UGT3A1: variants seen among roughly 807,000 people sequenced by gnomAD.
The protein encoded by UGT3A1 is UDP-glycosyltransferase 3A1.
Under a neutral mutation model 37.6 loss-of-function variants are expected in UGT3A1, and 40 were observed. The ratio of observed to expected loss-of-function variants is 1.06; its 90% CI spans 0.83 to 1.38. The LOEUF is 1.38. UGT3A1 is among the 40% of genes most tolerant of loss of function. The pLI, the probability that UGT3A1 is intolerant of heterozygous loss-of-function variation, is 0.00. For synonymous variants in UGT3A1, 256 were observed against 232.3 expected, an observed-to-expected ratio of 1.10 and a Z score of -0.93; for missense variants, 642 against 634.2, an observed-to-expected ratio of 1.01 and a Z score of -0.13.
chr5:35,962,847 A>G (rs1197909816), intron 4 of UGT3A1: 2 of 702,190 alleles, frequency 2.8e-6, no homozygotes, highest in South Asian at 3.0e-5. Flanking sequence ...ACAGGCTAGG[A>G]GGTGTTTTTC....
At chr5:35,965,060 C>T (rs370784472) in intron 4 of UGT3A1, among the ~76,000 whole-genome samples, 6 of 152,288 alleles carry the variant, frequency 3.9e-5, no homozygotes, top group South Asian at 2.1e-4. Context: ...GCACTAACTA[C>T]GTATTTATTT....
chr5:35,959,404 C>G (rs1739487884), intron 4 of UGT3A1, among the ~76,000 whole-genome samples: 1 of 152,156 alleles, frequency 6.6e-6, no homozygotes, highest in South Asian at 2.1e-4. Context: ...TAAAGAAACT[C>G]TCTTAAATAT....
chr5:35,965,705 A>G lies in UGT3A1; in HGVS notation c.524T>C (p.Phe175Ser). 1 of 1,614,204 alleles carries G rather than the reference A, an allele frequency of 6.2e-7. No individual in the cohort carries two copies. The highest frequency in any genetic ancestry group is 1.1e-5 in the South Asian group (1 of 91,078). Residue 175 changes from phenylalanine (F) to serine (S), a missense_variant, in exon 4 of 7, where the codon TTT (phenylalanine) becomes TCT (serine). Phe to Ser is a radical substitution (Grantham distance 155). Transcript: ENST00000274278. ...ATAAGACAAGGGGCTTGGTAGCCCAAAATCCAAAGAGCCGAATGTGGTGGG... is the reference window on the plus strand; with the variant it reads ...ATAAGACAAGGGGCTTGGTAGCCCAGAATCCAAAGAGCCGAATGTGGTGGG... ...ILPTTFGSLD[F>S]GLPSPLSYVP...
upstream of UGT3A1, among the ~76,000 whole-genome samples, chr5:35,992,272 C>T (rs1333674042): frequency 2.6e-5 from 4 of 152,038 alleles, no homozygotes; most frequent in Admixed American, 6.5e-5. Flanking sequence ...ATTTGTGCAT[C>T]CTTCACCTAG....
chr5:35,955,408 G>C lies in UGT3A1; in HGVS notation c.1295+237C>G. On this transcript the variant is annotated intron_variant, in intron 6 of 6. Coordinates refer to ENST00000274278, the MANE Select transcript of UGT3A1 (RefSeq NM_152404.4). ...ATATAAGATCAGTCAAAGAGATCATGTGTATATAATTTGTCGCCATCACAG... is the reference window on the plus strand; with the variant it reads ...ATATAAGATCAGTCAAAGAGATCATCTGTATATAATTTGTCGCCATCACAG... 6.6e-6 allele frequency: 4 copies of C among 604,668 alleles called. No homozygotes were observed. The Admixed American group carries it at 8.7e-5, about 13-fold the overall frequency. 37.5% of individuals were successfully genotyped at this position (604,668 alleles called of 1,614,324 possible).
At chr5:36,000,610 C>A (rs1561478346) in intron 1 of UGT3A1, among the ~76,000 whole-genome samples, 1 of 152,200 alleles carries the variant, frequency 6.6e-6, no homozygotes, top group African/African-American at 2.4e-5. Context: ...TACTAAACAT[C>A]AATCTTCAAC....
chr5:35,976,809 G>A (rs1393496572), intron 2 of UGT3A1, among the ~76,000 whole-genome samples: 1 of 147,074 alleles, frequency 6.8e-6, no homozygotes, highest in Non-Finnish European at 1.5e-5. Flanking sequence ...ACTCTAGCCT[G>A]GGCAACAGAA....
At chr5:35,995,430 A>G (rs184988371), upstream of UGT3A1, among the ~76,000 whole-genome samples, 294 of 152,374 alleles carry the variant, frequency 1.9e-3, 1 homozygote, top group African/African-American at 6.8e-3. Context: ...AACCCTGGTC[A>G]AAGGCTGAAT....
chr5:35,968,468 T>A (rs1440693602), intron 2 of UGT3A1, among the ~76,000 whole-genome samples: 1 of 152,202 alleles, frequency 6.6e-6, no homozygotes, highest in Non-Finnish European at 1.5e-5. Flanking sequence ...TTTGCACACA[T>A]AATGAGCTGT....
At chr5:35,995,999 T>C (rs1207444245), upstream of UGT3A1, among the ~76,000 whole-genome samples, 1 of 147,504 alleles carries the variant, frequency 6.8e-6, no homozygotes, top group Admixed American at 6.8e-5. Flanking sequence ...TTAACTTAGC[T>C]GATCAAATAT....
At chr5:35,957,073 AC>A (rs1446071647) in intron 5 of UGT3A1, 114 bp downstream of exon 5, 4 of 778,546 alleles carry the variant, frequency 5.1e-6, no homozygotes, top group Non-Finnish European at 8.4e-6. Context: ...CATTACCTTT[AC>A]CTATGAGTAG....
chr5:35,955,741 C>T lies in UGT3A1; in HGVS notation c.1199G>A (p.Arg400Gln), dbSNP rs763080249. ...VNGDQHGNMV[R>Q]VVAKNYGVSI... ...GACACCATAATTTTTGGCTACTACTCGGACCATGTTTCCATGCTGGTCTCC... is the reference window on the plus strand; with the variant it reads ...GACACCATAATTTTTGGCTACTACTTGGACCATGTTTCCATGCTGGTCTCC... The change falls in exon 6 of 7, where the codon CGA becomes CAA. Residue 400 changes from arginine to glutamine, a missense_variant. Transcript: ENST00000274278. 28 of 1,614,144 alleles carry T rather than the reference C, an allele frequency of 1.7e-5. No individual in the cohort carries two copies. The highest frequency in any genetic ancestry group is 4.5e-5 in the East Asian group (2 of 44,874).
At chr5:35,959,949 CAAT>C (rs1561455918) in intron 4 of UGT3A1, among the ~76,000 whole-genome samples, 2 of 152,032 alleles carry the variant, frequency 1.3e-5, no homozygotes, top group Non-Finnish European at 2.9e-5. Context: ...ACAATTTCAA[CAAT>C]AATATCAGAG....
Position 35,991,246 on chromosome 5 carries a change from C to G in UGT3A1, c.-6G>C. ...AGCACCCGCTGCCCAACCATGCTCA[C>G]TTCCACAGAAGCAGCGGATCTCAGC... is the stretch of plus-strand genomic sequence containing the variant. On this transcript the variant is annotated 5_prime_UTR_variant, in exon 1 of 7. Coordinates refer to ENST00000274278, the MANE Select transcript of UGT3A1 (RefSeq NM_152404.4). 2.5e-6 allele frequency: 4 copies of G among 1,614,216 alleles called. No individual in the cohort carries two copies. The highest frequency in any genetic ancestry group is 2.7e-5 in the African/African-American group (2 of 75,078).
Position 35,984,478 on chromosome 5 carries a change from T to G in UGT3A1, c.196+3972A>C, listed in dbSNP as rs867930895. On this transcript the variant is annotated intron_variant, in intron 2 of 6. Coordinates refer to ENST00000274278, the MANE Select transcript of UGT3A1 (RefSeq NM_152404.4). ...TACCATTCAATCTCACAGAATTTTTTTTTTTTTTTTTTGAGACAGAATCTT... is the reference window on the plus strand; with the variant it reads ...TACCATTCAATCTCACAGAATTTTTGTTTTTTTTTTTTGAGACAGAATCTT... 1.4e-3 allele frequency among the ~76,000 whole-genome samples: 214 copies of G among 150,226 alleles called. 2 individuals are homozygous for G. Among genetic ancestry groups the G allele is most frequent in the South Asian group, 8.7e-3 (41 of 4,696 alleles).
rs1005563590 is a variant in UGT3A1 at position 35,953,676 on chromosome 5, C to T, written c.*526G>A. ...GTCTGACCAGCAAAGGAGGTGCTCT[C>T]TAAGGAAGGGGTCTCAGGCAGTGAG... is the stretch of plus-strand genomic sequence containing the variant. On this transcript the variant is annotated 3_prime_UTR_variant, in exon 7 of 7. Coordinates refer to ENST00000274278, the MANE Select transcript of UGT3A1 (RefSeq NM_152404.4). 2 of 154,500 alleles carry T rather than the reference C, an allele frequency of 1.3e-5. No individual in the cohort carries two copies. Among genetic ancestry groups the T allele is most frequent in the Non-Finnish European group, 2.9e-5 (2 of 69,516 alleles). 9.6% of individuals were successfully genotyped at this position (154,500 alleles called of 1,614,324 possible). A position where few individuals can be genotyped will look rare whatever the true frequency, so the allele number is the denominator to read the frequency against.
chr5:35,976,368 T>C (rs1295684728), intron 2 of UGT3A1, among the ~76,000 whole-genome samples: 1 of 152,186 alleles, frequency 6.6e-6, no homozygotes, highest in East Asian at 1.9e-4. Context: ...TGCCCTGTGA[T>C]TAAAATTAAT....
At chr5:35,979,120 T>A (rs957026372) in intron 2 of UGT3A1, among the ~76,000 whole-genome samples, 6 of 152,060 alleles carry the variant, frequency 3.9e-5, no homozygotes, top group African/African-American at 1.4e-4. Context: ...TCCATCCCAG[T>A]TGGTTTCATG....
At chr5:35,988,799 CT>C (rs1432090465) in intron 1 of UGT3A1, among the ~76,000 whole-genome samples, 1 of 152,148 alleles carries the variant, frequency 6.6e-6, no homozygotes, top group Non-Finnish European at 1.5e-5. Context: ...AAGATTTCCG[CT>C]TGTGGCTCAA....
Sources: allele counts gnomAD v4.1 joint callset (sites outside exome capture counted in the v4.1 genomes callset), GRCh38; gene constraint gnomAD v4.1.1; transcripts MANE v1.5; gene names NCBI Gene and HGNC (gene_info 2026-07-23, HGNC 2026-07-21).